Variants in ELP4 observed in about 807,000 individuals in gnomAD.
ELP4 encodes elongator acetyltransferase complex subunit 4, also known as elongator complex protein 4.
ELP4 carries 51 observed loss-of-function variants against 48.9 expected under a neutral mutation model. That is an observed-to-expected ratio of 1.04 (90% CI 0.83 to 1.32). The LOEUF (loss-of-function observed/expected upper bound fraction) is 1.32, where lower values mean the gene tolerates loss of function less well. Among genes scored for constraint, ELP4 ranks in the 40% most tolerant of loss-of-function variants. The pLI is 0.00. For synonymous variants in ELP4, 210 were observed against 189.2 expected (o/e 1.11, Z -0.90); for missense variants, 519 against 514.6 (o/e 1.01, Z -0.08).
chr11:31,718,600 A>C (rs1303656196), intron 9 of ELP4, among the ~76,000 whole-genome samples: 1 of 152,172 alleles, frequency 6.6e-6, no homozygotes, highest in Non-Finnish European at 1.5e-5. Flanking sequence ...TGACCTATGT[A>C]ATGGTTGATG....
In ELP4 at chr11:31,679,456, C is replaced by T. The variant is rs926582027; in HGVS notation, c.1143+29235C>T. ...ATCAAGATATCAGCAGGGTTAATTT[C>T]TTCTGAGGCCTCTCTACTTGGCTTG... On this transcript the variant is annotated intron_variant, in intron 9 of 9. Transcript: ENST00000640961. Among the ~76,000 whole-genome samples the T allele has an allele frequency of 2.0e-5, 3 of 152,136 alleles. 1 individual carries two copies. In the South Asian group the frequency reaches 6.2e-4, roughly 32 times the overall value.
At position 31,737,367 on chromosome 11, in the gene ELP4, T is replaced by C. The variant is rs1947343026; in HGVS notation, c.1144-46026T>C. On this transcript the variant is annotated intron_variant, in intron 9 of 9. Transcript: ENST00000640961. ...TAGCATTAGGAGATATACCTAATGCTAAATGACAAGTTAATGAGTGCAGCA... is the reference window on the plus strand; with the variant it reads ...TAGCATTAGGAGATATACCTAATGCCAAATGACAAGTTAATGAGTGCAGCA... Among the ~76,000 whole-genome samples, 3 of 152,050 alleles carry C rather than the reference T, an allele frequency of 2.0e-5. No homozygotes were observed. In the South Asian group the frequency reaches 6.2e-4, roughly 32 times the overall value.
intron 2 of ELP4, among the ~76,000 whole-genome samples, chr11:31,538,214 TTAAA>T (rs1265511043): frequency 6.7e-6 from 1 of 149,990 alleles, no homozygotes; most frequent in Non-Finnish European, 1.5e-5. Context: ...GTATAATTCT[TTAAA>T]TACTTAAAGC....
Position 31,789,912 on chromosome 11 carries a change from CTTTT to C in ELP4, c.*6408_*6411del, listed in dbSNP as rs759391101. 6.6e-3 allele frequency: 6,849 copies of C among 1,031,810 alleles called. No individual in the cohort carries two copies. The highest frequency in any genetic ancestry group is 8.1e-3 in the Non-Finnish European group (5,805 of 715,468). The allele number at this position is 1,031,810 out of a possible 1,614,324, so 63.9% of individuals were successfully genotyped here. Reference sequence around the variant, plus strand: ...CTGAATTAACACAATATTTCCTTTCCTTTTTTTTTTTTTTTTTTTTTTTACTGTA... The same window carrying C: ...CTGAATTAACACAATATTTCCTTTCCTTTTTTTTTTTTTTTTTTTACTGTA... On this transcript the variant is annotated 3_prime_UTR_variant, in exon 10 of 10. Transcript: ENST00000640961.
At chr11:31,625,757 T>C (rs897358764) in intron 5 of ELP4, among the ~76,000 whole-genome samples, 1 of 151,852 alleles carries the variant, frequency 6.6e-6, no homozygotes, top group African/African-American at 2.4e-5. Flanking sequence ...GCAAAGCAGA[T>C]TGATCCAGAT....
Position 31,789,464 on chromosome 11 carries a change from T to C in ELP4, c.*5940T>C. ...GGTTTAATTATATGCAAAGGAATGA[T>C]ACAAACTTGGAACATCAGTCCATAA... On this transcript the variant is annotated 3_prime_UTR_variant, in exon 10 of 10. Transcript: ENST00000640961. 1 of 485,724 alleles carries C rather than the reference T, an allele frequency of 2.1e-6. No homozygotes were observed. The allele number at this position is 485,724 out of a possible 1,614,324, so 30.1% of individuals were successfully genotyped here.
chr11:31,610,841 T>C (rs539221212), intron 5 of ELP4, among the ~76,000 whole-genome samples: 1 of 152,278 alleles, frequency 6.6e-6, no homozygotes, highest in East Asian at 1.9e-4. Context: ...ATTCACCCAT[T>C]CCTAATCTCA....
At chr11:31,624,386 A>G (rs1266943238) in intron 5 of ELP4, among the ~76,000 whole-genome samples, 1 of 151,754 alleles carries the variant, frequency 6.6e-6, no homozygotes. Flanking sequence ...CAATTGTAAT[A>G]CAAGTATTTG....
At chr11:31,519,359 G>A (rs1956173194) in intron 1 of ELP4, among the ~76,000 whole-genome samples, 1 of 152,142 alleles carries the variant, frequency 6.6e-6, no homozygotes, top group African/African-American at 2.4e-5. Flanking sequence ...AATCTTTGTT[G>A]TACTTCTGTA....
intron 9 of ELP4, chr11:31,651,185 G>A (rs1431369390): frequency 1.3e-5 from 2 of 151,534 alleles, no homozygotes; most frequent in Non-Finnish European, 2.9e-5. Flanking sequence ...CTTTAAGCTG[G>A]CCACTTGATA....
At chr11:31,575,514 GA>G (rs995662023) in intron 3 of ELP4, among the ~76,000 whole-genome samples, 3 of 152,080 alleles carry the variant, frequency 2.0e-5, no homozygotes, top group African/African-American at 7.2e-5. Context: ...TGAAATGAAG[GA>G]AAAAATGTTA....
rs530259403 is a variant in ELP4 at position 31,789,043 on chromosome 11, C to T, written c.*5519C>T. ...CACTTAAGTTTAAAACTCTTGCAAG[C>T]ACTTTTAATTGATTAGGAATGAACT... On this transcript the variant is annotated 3_prime_UTR_variant, in exon 10 of 10. Transcript: ENST00000640961. 4.7e-4 allele frequency: 95 copies of T among 201,770 alleles called. No individual in the cohort carries two copies. Among genetic ancestry groups the T allele is most frequent in the African/African-American group, 2.1e-3 (92 of 43,776 alleles). The allele number at this position is 201,770 out of a possible 1,614,324, so 12.5% of individuals were successfully genotyped here. A position where few individuals can be genotyped will look rare whatever the true frequency, so the allele number is the denominator to read the frequency against.
At chr11:31,652,287 C>A (rs1945337823) in intron 9 of ELP4, 1 of 151,406 alleles carries the variant, frequency 6.6e-6, no homozygotes, top group African/African-American at 2.4e-5. Flanking sequence ...CCATAATACT[C>A]AATTTAGTGA....
chr11:31,530,786 G>A (rs1041410370), intron 2 of ELP4, among the ~76,000 whole-genome samples: 1 of 151,868 alleles, frequency 6.6e-6, no homozygotes, highest in African/African-American at 2.4e-5. Context: ...ATTTCTCATT[G>A]TCACATACTT....
intron 9 of ELP4, among the ~76,000 whole-genome samples, chr11:31,659,852 C>T (rs1290145190): frequency 1.3e-5 from 2 of 151,804 alleles, no homozygotes; most frequent in Non-Finnish European, 1.5e-5. Flanking sequence ...ATTAGCTGGG[C>T]GTGGTGGCAG....
At chr11:31,644,185 G>A (rs1302915771) in intron 7 of ELP4, among the ~76,000 whole-genome samples, 2 of 151,702 alleles carry the variant, frequency 1.3e-5, no homozygotes, top group East Asian at 1.9e-4. Context: ...GCAAGGAGGA[G>A]GGGTGGCAAT....
At chr11:31,654,418 C>T (rs1490650749) in intron 9 of ELP4, 2 of 151,692 alleles carry the variant, frequency 1.3e-5, no homozygotes, top group Non-Finnish European at 3.0e-5. Context: ...AGAATAGGAC[C>T]TCAGTACCTC....
chr11:31,583,946 T>C (rs1957431908), intron 3 of ELP4, among the ~76,000 whole-genome samples: 1 of 152,120 alleles, frequency 6.6e-6, no homozygotes, highest in South Asian at 2.1e-4. Context: ...TTAATTAATA[T>C]AAATTTAAAT....
At chr11:31,547,007 G>C (rs1956738092) in intron 3 of ELP4, among the ~76,000 whole-genome samples, 1 of 151,920 alleles carries the variant, frequency 6.6e-6, no homozygotes, top group Admixed American at 6.6e-5. Flanking sequence ...GAAATTTATA[G>C]CACTAAATGC....
Sources: gnomAD v4.1 joint callset for allele counts (sites outside exome capture counted in the v4.1 genomes callset) on GRCh38, gnomAD v4.1.1 for gene constraint, MANE v1.5 for transcripts, NCBI Gene and HGNC (gene_info 2026-07-23, HGNC 2026-07-21) for gene names.